BIN1: variants seen among roughly 807,000 people sequenced by gnomAD.
The protein encoded by BIN1 is bridging integrator 1.
Under a neutral mutation model 82.0 loss-of-function variants are expected in BIN1, and 53 were observed. The observed-to-expected ratio is 0.65, with a 90% CI of 0.52 to 0.81. BIN1 has a LOEUF of 0.81. Ranked by LOEUF, BIN1 falls within the 40% of genes least tolerant of loss-of-function variation. The pLI, the probability that BIN1 is intolerant of heterozygous loss-of-function variation, is 0.00. For synonymous variants in BIN1, 302 were observed against 328.0 expected, an observed-to-expected ratio of 0.92 and a Z score of 0.86; for missense variants, 642 against 784.4, an observed-to-expected ratio of 0.82 and a Z score of 2.17.
intron 1 of BIN1, among the ~76,000 whole-genome samples, chr2:127,086,641 G>A (rs1391081702): frequency 6.6e-6 from 1 of 151,970 alleles, no homozygotes; most frequent in African/African-American, 2.4e-5. Context: ...CAGAGTCGCT[G>A]GGACTACAGG....
At position 127,053,253 on chromosome 2, in the gene BIN1, G is replaced by A. The variant is rs1683191205; in HGVS notation, c.1263+169C>T. ...GGGAGAAGCAGCAGAATGGCTGGAG[G>A]CGGGTGGCTTCACCAGCTCCCTGTG... On this transcript the variant is annotated intron_variant, in intron 14 of 18. Transcript: ENST00000316724. The A allele has an allele frequency of 3.3e-6, 3 of 911,766 alleles. No individual in the cohort carries two copies. The Admixed American group carries it at 6.1e-5, about 18-fold the overall frequency. The allele number at this position is 911,766 out of a possible 1,614,324, so 56.5% of individuals were successfully genotyped here. A position where few individuals can be genotyped will look rare whatever the true frequency, so the allele number is the denominator to read the frequency against.
intron 1 of BIN1, among the ~76,000 whole-genome samples, chr2:127,085,010 T>C (rs564152038): frequency 2.3e-4 from 35 of 152,276 alleles, no homozygotes; most frequent in South Asian, 4.1e-4. Flanking sequence ...CTGGTGACGA[T>C]TGAGGCCTTG....
At position 127,100,953 on chromosome 2, in the gene BIN1, C is replaced by T. The variant is rs550084979; in HGVS notation, c.84+5907G>A. Among the ~76,000 whole-genome samples the T allele has an allele frequency of 1.6e-3, 224 of 144,044 alleles. 2 individuals carry two copies. The highest frequency in any genetic ancestry group is 2.7e-3 in the Non-Finnish European group (185 of 67,298). The allele number at this position is 144,044 out of a possible 152,430, so 94.5% of individuals were successfully genotyped here. A position where few individuals can be genotyped will look rare whatever the true frequency, so the allele number is the denominator to read the frequency against. ...TGACCCCTGTTTCAGATGAGGAAAC[C>T]GGGATTCCAAGAATTCAGTGAGACT... On this transcript the variant is annotated intron_variant, in intron 1 of 18. Transcript: ENST00000316724.
In BIN1 at chr2:127,068,305, G is replaced by T; in HGVS notation, c.520-50C>A. 1 of 1,479,120 alleles carries T rather than the reference G, an allele frequency of 6.8e-7. No homozygotes were observed. The highest frequency in any genetic ancestry group is 9.3e-7 in the Non-Finnish European group (1 of 1,073,250). 91.6% of individuals were successfully genotyped at this position (1,479,120 alleles called of 1,614,324 possible). On this transcript the variant is annotated intron_variant, in intron 6 of 18. Transcript: ENST00000316724. The surrounding 1 kb of genome is among the most constrained non-coding windows in gnomAD (Gnocchi z 4.9). ...GGAAGGTGGAGAGACCAGGGAGGTG[G>T]GGAGAGAGAAACAGAGACACACAGA...
intron 14 of BIN1, chr2:127,053,016 C>T (rs1163667536): frequency 3.2e-6 from 1 of 308,894 alleles, no homozygotes; most frequent in African/African-American, 2.1e-5. Context: ...TCCTCGCAAA[C>T]AGCTCCCCAC....
intron 10 of BIN1, 81 bp downstream of exon 10, chr2:127,062,034 G>A (rs1684562151): frequency 6.7e-7 from 1 of 1,492,898 alleles, no homozygotes; most frequent in Non-Finnish European, 9.0e-7. Context: ...GGACCAGGGA[G>A]GGCACCAACA....
intron 1 of BIN1, among the ~76,000 whole-genome samples, chr2:127,100,280 G>A (rs1473408343): frequency 6.6e-6 from 1 of 152,194 alleles, no homozygotes; most frequent in Admixed American, 6.5e-5. Context: ...ACTCCAAAGT[G>A]CAAGCCTAGA....
At chr2:127,051,760 A>G (rs932270349) in intron 15 of BIN1, among the ~76,000 whole-genome samples, 1 of 151,990 alleles carries the variant, frequency 6.6e-6, no homozygotes, top group Non-Finnish European at 1.5e-5. Context: ...CAGAATGGGC[A>G]CCGCAGCACG....
chr2:127,054,408 G>C (rs947550620), intron 12 of BIN1: 1 of 289,970 alleles, frequency 3.4e-6, no homozygotes, highest in African/African-American at 2.2e-5. Flanking sequence ...CCTCCTCTCC[G>C]CTCCCTGCGC....
intron 2 of BIN1, among the ~76,000 whole-genome samples, chr2:127,074,421 G>A (rs752793438): frequency 2.8e-4 from 42 of 152,250 alleles, no homozygotes; most frequent in African/African-American, 5.1e-4. Flanking sequence ...ACCTGAGCCC[G>A]GGGGCAGACA....
At chr2:127,091,581 AT>A (rs1678932732) in intron 1 of BIN1, among the ~76,000 whole-genome samples, 1 of 152,210 alleles carries the variant, frequency 6.6e-6, no homozygotes, top group Non-Finnish European at 1.5e-5. Context: ...ATCAACAGGT[AT>A]TCAGATCAAG....
Position 127,106,845 on chromosome 2 carries a change from C to A in BIN1, c.84+15G>T, listed in dbSNP as rs769721985. 36 of 1,589,614 alleles carry A rather than the reference C, an allele frequency of 2.3e-5. No homozygotes were observed. Among genetic ancestry groups the A allele is most frequent in the Non-Finnish European group, 2.8e-5 (33 of 1,170,306 alleles). On this transcript the variant is annotated intron_variant, in intron 1 of 18. Transcript: ENST00000316724. Reference sequence around the variant, plus strand: ...GGCTGGGACTCCGCGGCTGCTGGGGCTCCGGCTCGCTCACCTTCTCCTGCG... The same window carrying A: ...GGCTGGGACTCCGCGGCTGCTGGGGATCCGGCTCGCTCACCTTCTCCTGCG...
rs146015221 is a variant in BIN1 at position 127,054,235 on chromosome 2, G to A, written c.1132-223C>T. 164 of 589,884 alleles carry A rather than the reference G, an allele frequency of 2.8e-4. No individual in the cohort carries two copies. The East Asian group carries it at 4.3e-3, about 16-fold the overall frequency. The allele number at this position is 589,884 out of a possible 1,614,324, so 36.5% of individuals were successfully genotyped here. Reference sequence around the variant, plus strand: ...AGCACTGCCCAAAGCCACGCGCCCCGGCACAGGCTCCCGCCCACACCAGGA... The same window carrying A: ...AGCACTGCCCAAAGCCACGCGCCCCAGCACAGGCTCCCGCCCACACCAGGA... On this transcript the variant is annotated intron_variant, in intron 12 of 18. Coordinates refer to ENST00000316724, the MANE Select transcript of BIN1 (RefSeq NM_139343.3).
chr2:127,053,531 G>C, intron 13 of BIN1, 86 bp from the exon 14 acceptor site: 3 of 1,536,570 alleles, frequency 2.0e-6, no homozygotes, highest in Non-Finnish European at 2.7e-6. Context: ...CCCTACCCCC[G>C]CTCGCCCCAG....
At chr2:127,074,088 T>C (rs565810731) in intron 2 of BIN1, among the ~76,000 whole-genome samples, 1 of 152,162 alleles carries the variant, frequency 6.6e-6, no homozygotes, top group African/African-American at 2.4e-5. Context: ...CTAAATCACC[T>C]GCCATCCTTG....
intron 5 of BIN1, among the ~76,000 whole-genome samples, chr2:127,069,463 C>A (rs533125389): frequency 6.6e-6 from 1 of 152,284 alleles, no homozygotes; most frequent in East Asian, 1.9e-4. Context: ...TCCATGTGCA[C>A]GTTACCGGGG....
rs78935905 is a variant in BIN1 at position 127,063,877 on chromosome 2, G to A, written c.698+56C>T. ...CACCACAGCACGCAGACTGGGCACC[G>A]CAGCACGCAGACTGGACACTGCCCC... On this transcript the variant is annotated intron_variant, in intron 8 of 18. Transcript: ENST00000316724. 200,644 of 1,587,792 alleles carry A rather than the reference G, an allele frequency of 0.13. 13,637 individuals carry two copies. The highest frequency in any genetic ancestry group is 0.2 in the South Asian group (18,282 of 90,786).
intron 1 of BIN1, among the ~76,000 whole-genome samples, chr2:127,078,104 C>T (rs1390344269): frequency 2.0e-5 from 3 of 152,204 alleles, no homozygotes; most frequent in African/African-American, 7.2e-5. Context: ...CCTGGACCAA[C>T]GGATGCCTGG....
rs1683886346 is a variant in BIN1, at chr2:127,057,691, A to G, written c.1003-90T>C. The G allele has an allele frequency of 7.1e-7, 1 of 1,413,606 alleles. No homozygotes were observed. The highest frequency in any genetic ancestry group is 9.3e-7 in the Non-Finnish European group (1 of 1,076,132). The allele number at this position is 1,413,606 out of a possible 1,614,324, so 87.6% of individuals were successfully genotyped here. On this transcript the variant is annotated intron_variant, in intron 11 of 18. Transcript: ENST00000316724. This position sits in a 1 kb window ranked among gnomAD's most constrained non-coding sequence, Gnocchi z 5.0. The stretch of plus-strand genomic sequence containing the variant: ...GACAGACAGAGACAAAGCCACGGTT[A>G]GTCACACCTCAGGCCACAGTCCCAC...
Sources: allele counts gnomAD v4.1 joint callset (sites outside exome capture counted in the v4.1 genomes callset), GRCh38; gene constraint gnomAD v4.1.1; non-coding constraint Gnocchi (gnomAD v3.1); transcripts MANE v1.5; gene names NCBI Gene and HGNC (gene_info 2026-07-23, HGNC 2026-07-21).